The following ACACA variants were observed in gnomAD, a reference collection of about 807,000 sequenced individuals.
ACACA encodes acetyl-CoA carboxylase 1.
A neutral mutation model predicts 296.1 loss-of-function variants in ACACA; 103 were observed. The ratio of observed to expected loss-of-function variants is 0.35; its 90% confidence interval spans 0.30 to 0.41. ACACA has a LOEUF of 0.41. Ranked by LOEUF, ACACA falls within the 10% of genes least tolerant of loss-of-function variation. ACACA has a pLI of 1.00. For synonymous variants in ACACA, 953 were observed against 1,038.6 expected, an observed-to-expected ratio of 0.92 and a Z score of 1.58; for missense variants, 1,554 against 2,989.7, an observed-to-expected ratio of 0.52 and a Z score of 11.20.
At chr17:37,200,709 A>G (rs2078208917) in intron 33 of ACACA, among the ~76,000 whole-genome samples, 1 of 152,206 alleles carries the variant, frequency 6.6e-6, no homozygotes, top group Admixed American at 6.5e-5. Context: ...ACTGAAAGAG[A>G]ACTTTGTGGA....
At chr17:37,273,060 A>T (rs1231026144) in intron 9 of ACACA, among the ~76,000 whole-genome samples, 1 of 152,140 alleles carries the variant, frequency 6.6e-6, no homozygotes, top group East Asian at 1.9e-4. Context: ...AAGAGCTTCT[A>T]CTCTTTTGCA....
At chr17:37,278,158 G>C (rs961778293) in intron 5 of ACACA, among the ~76,000 whole-genome samples, 153 bp from the exon 6 acceptor site, 2 of 152,140 alleles carry the variant, frequency 1.3e-5, no homozygotes, top group Non-Finnish European at 2.9e-5. Context: ...TTAGTTCGAG[G>C]CTCTTAGTTT....
intron 32 of ACACA, 144 bp downstream of exon 32, chr17:37,206,639 G>T: frequency 1.5e-6 from 1 of 678,034 alleles, no homozygotes; most frequent in African/African-American, 1.8e-5. Context: ...AAAATACTTT[G>T]GTGAGGCATA....
intron 50 of ACACA, among the ~76,000 whole-genome samples, chr17:37,114,660 C>T (rs1242623299): frequency 6.6e-6 from 1 of 152,080 alleles, no homozygotes; most frequent in Non-Finnish European, 1.5e-5. Flanking sequence ...ATTTATTTCC[C>T]AACTTTTTAT....
chr17:37,264,695 G>A (rs1312414379), intron 10 of ACACA, among the ~76,000 whole-genome samples: 1 of 152,016 alleles, frequency 6.6e-6, no homozygotes, highest in Non-Finnish European at 1.5e-5. Flanking sequence ...TTCAATTATT[G>A]TTTCTGCTCC....
chr17:37,200,622 A>T, intron 33 of ACACA, 139 bp from the exon 34 acceptor site: 1 of 772,458 alleles, frequency 1.3e-6, no homozygotes, highest in South Asian at 1.5e-5. Context: ...GTACCTTCAA[A>T]CTTGCAAGTG....
chr17:37,150,598 T>C (rs2075996779), intron 44 of ACACA, among the ~76,000 whole-genome samples: 1 of 149,848 alleles, frequency 6.7e-6, no homozygotes, highest in Non-Finnish European at 1.5e-5. Context: ...TACAAAAAAG[T>C]TAAAAATTAG....
At chr17:37,315,673 A>G (rs2147062828) in intron 3 of ACACA, among the ~76,000 whole-genome samples, 1 of 152,328 alleles carries the variant, frequency 6.6e-6, no homozygotes, top group Admixed American at 6.5e-5. Context: ...TTTATAAAGG[A>G]TACAACTCAG....
intron 54 of ACACA, among the ~76,000 whole-genome samples, chr17:37,096,201 GA>G (rs2072980518): frequency 6.6e-6 from 1 of 152,116 alleles, no homozygotes; most frequent in African/African-American, 2.4e-5. Context: ...TTCTAAAATA[GA>G]AATCAGAGCA....
chr17:37,205,039 G>T (rs1055668763), intron 33 of ACACA, among the ~76,000 whole-genome samples: 1 of 152,188 alleles, frequency 6.6e-6, no homozygotes, highest in African/African-American at 2.4e-5. Context: ...AGAGATGGCA[G>T]TGGGAATTTT....
intron 54 of ACACA, among the ~76,000 whole-genome samples, chr17:37,092,204 G>T (rs1160249215): frequency 6.6e-6 from 1 of 150,696 alleles, no homozygotes; most frequent in Non-Finnish European, 1.5e-5. Flanking sequence ...AGGATCACAT[G>T]AGCCCAGGAG....
At chr17:37,164,445 G>A (rs554285840) in intron 41 of ACACA, among the ~76,000 whole-genome samples, 1 of 152,190 alleles carries the variant, frequency 6.6e-6, no homozygotes, top group East Asian at 1.9e-4. Context: ...ATAAATATAA[G>A]CTATTTAATA....
intron 45 of ACACA, among the ~76,000 whole-genome samples, chr17:37,132,449 G>A (rs1284063994): frequency 6.6e-6 from 1 of 152,166 alleles, no homozygotes; most frequent in East Asian, 1.9e-4. Flanking sequence ...TCATAAACCC[G>A]ATGGCCCACA....
At chr17:37,211,452 A>G (rs1388457347) in intron 29 of ACACA, among the ~76,000 whole-genome samples, 2 of 152,170 alleles carry the variant, frequency 1.3e-5, no homozygotes, top group Non-Finnish European at 2.9e-5. Context: ...AACAAATAAA[A>G]ACCTTTATTT....
chr17:37,290,468 G>C (rs2082994468), intron 3 of ACACA, among the ~76,000 whole-genome samples: 1 of 152,180 alleles, frequency 6.6e-6, no homozygotes, highest in African/African-American at 2.4e-5. Flanking sequence ...CACATGCACT[G>C]GCATATTAAT....
rs752341897 is a variant in ACACA, at chr17:37,311,229, G to T, written c.338+18944C>A. Among the ~76,000 whole-genome samples the T allele has an allele frequency of 4.9e-4, 74 of 152,156 alleles. 1 individual carries two copies. The highest frequency in any genetic ancestry group is 1.8e-4 in the Non-Finnish European group (12 of 68,020). On this transcript the variant is annotated intron_variant, in intron 3 of 55. Coordinates refer to ENST00000616317, the MANE Select transcript of ACACA (RefSeq NM_198834.3). ...TCTTGACCATAAAATGGGGCAGAGA[G>T]ATAAGGCAATAATCCAAAGGGAATG...
intron 40 of ACACA, among the ~76,000 whole-genome samples, chr17:37,180,517 A>G (rs1043884106): frequency 3.9e-5 from 6 of 152,172 alleles, no homozygotes; most frequent in Non-Finnish European, 7.4e-5. Flanking sequence ...TATTCTTTTG[A>G]TACCTTATTC....
chr17:37,364,717 A>G (rs2049546025), intron 1 of ACACA, among the ~76,000 whole-genome samples: 1 of 152,184 alleles, frequency 6.6e-6, no homozygotes. Flanking sequence ...AGGACAGAGA[A>G]TAGAGGAATT....
chr17:37,206,536 C>G (rs999936634), intron 32 of ACACA, among the ~76,000 whole-genome samples: 11 of 152,108 alleles, frequency 7.2e-5, no homozygotes, highest in Non-Finnish European at 1.5e-4. Context: ...TCAGAGGCAG[C>G]TGCAATGGAC....
Sources: allele counts gnomAD v4.1 joint callset (sites outside exome capture counted in the v4.1 genomes callset), GRCh38; gene constraint gnomAD v4.1.1; transcripts MANE v1.5; gene names NCBI Gene and HGNC (gene_info 2026-07-23, HGNC 2026-07-21).